BMERB1: variants seen among roughly 807,000 people sequenced by gnomAD.
BMERB1 encodes the protein bMERB domain-containing protein 1.
A neutral mutation model predicts 23.6 loss-of-function variants in BMERB1; 12 were observed. That is an observed-to-expected ratio of 0.51 (90% CI 0.33 to 0.82). The LOEUF (loss-of-function observed/expected upper bound fraction) is 0.82. Among genes scored for constraint, BMERB1 ranks in the 40% least tolerant of loss-of-function variants. The probability of loss-of-function intolerance (pLI) is 0.03; values close to 1 mark genes in which losing one functional copy is unlikely to be tolerated. For synonymous variants in BMERB1, 122 were observed against 96.6 expected (o/e 1.26, Z -1.54); for missense variants, 247 against 255.4 (o/e 0.97, Z 0.22).
At chr16:15,478,789 C>T (rs2051294297) in intron 1 of BMERB1, among the ~76,000 whole-genome samples, 1 of 152,126 alleles carries the variant, frequency 6.6e-6, no homozygotes, top group Admixed American at 6.5e-5. Flanking sequence ...CAAACATGCA[C>T]CAGTTTCATT....
intron 2 of BMERB1, among the ~76,000 whole-genome samples, chr16:15,529,277 C>T (rs542642334): frequency 1.3e-5 from 2 of 152,262 alleles, no homozygotes; most frequent in South Asian, 2.1e-4. Context: ...CCGCCTGCCT[C>T]GGCCTCCCAA....
intron 3 of BMERB1, among the ~76,000 whole-genome samples, chr16:15,572,947 CAAGT>C (rs1430805135): frequency 6.6e-6 from 1 of 152,118 alleles, no homozygotes; most frequent in African/African-American, 2.4e-5. Flanking sequence ...TGCCTGCTGC[CAAGT>C]AAGACGTGCC....
At chr16:15,536,200 G>A (rs1408048799) in intron 2 of BMERB1, among the ~76,000 whole-genome samples, 6 of 152,136 alleles carry the variant, frequency 3.9e-5, no homozygotes, top group African/African-American at 1.2e-4. Context: ...GAGACAAGGA[G>A]GTGATCTGAC....
intron 1 of BMERB1, among the ~76,000 whole-genome samples, chr16:15,450,700 G>T (rs116180782): frequency 0.015 from 2,266 of 152,118 alleles, 64 homozygotes; most frequent in African/African-American, 0.053. Flanking sequence ...CGAACTCCTG[G>T]GTTCACAGGA....
At chr16:15,499,804 T>C (rs559485386) in intron 1 of BMERB1, among the ~76,000 whole-genome samples, 1 of 152,350 alleles carries the variant, frequency 6.6e-6, no homozygotes, top group African/African-American at 2.4e-5. Context: ...TGCGGGAAGA[T>C]GTCGCAGCAT....
At chr16:15,501,313 A>C (rs1008588365) in intron 1 of BMERB1, among the ~76,000 whole-genome samples, 2 of 74,294 alleles carry the variant, frequency 2.7e-5, no homozygotes, top group African/African-American at 5.3e-5. Context: ...TTTTTTTTTG[A>C]GATGGAGTCC....
At chr16:15,546,196 G>A (rs539826755) in intron 2 of BMERB1, among the ~76,000 whole-genome samples, 17 of 152,288 alleles carry the variant, frequency 1.1e-4, no homozygotes, top group African/African-American at 4.1e-4. Flanking sequence ...GCTGAGGCAG[G>A]AGGATGTCTT....
intron 2 of BMERB1, among the ~76,000 whole-genome samples, chr16:15,556,716 G>T (rs909332896): frequency 4.6e-5 from 7 of 152,170 alleles, no homozygotes; most frequent in African/African-American, 1.7e-4. Context: ...CTCCTGAGTA[G>T]CTAGGACTAC....
intron 1 of BMERB1, among the ~76,000 whole-genome samples, chr16:15,440,841 G>A (rs1268422593): frequency 1.3e-5 from 2 of 152,248 alleles, no homozygotes; most frequent in African/African-American, 4.8e-5. Context: ...GAGAGTGAAG[G>A]CGTCAAATAT....
intron 2 of BMERB1, among the ~76,000 whole-genome samples, chr16:15,564,525 C>T (rs556520490): frequency 7.9e-5 from 12 of 152,214 alleles, no homozygotes; most frequent in South Asian, 2.1e-4. Context: ...AATTTTAAAG[C>T]GTCTATAATT....
chr16:15,577,176 T>C (rs1447876178), intron 3 of BMERB1: 5 of 152,170 alleles, frequency 3.3e-5, no homozygotes, highest in Non-Finnish European at 5.9e-5. Flanking sequence ...ATTTTGAACA[T>C]ACCTAGACCA....
intron 2 of BMERB1, among the ~76,000 whole-genome samples, chr16:15,518,836 G>A (rs374565297): frequency 2.1e-4 from 32 of 151,194 alleles, no homozygotes; most frequent in Non-Finnish European, 3.1e-4. Flanking sequence ...GGGGAGAGGC[G>A]GACAGGGGAA....
At chr16:15,550,538 G>A (rs1171470005) in intron 2 of BMERB1, among the ~76,000 whole-genome samples, 2 of 148,144 alleles carry the variant, frequency 1.4e-5, no homozygotes, top group African/African-American at 2.5e-5. Flanking sequence ...GGGTTTCACC[G>A]TATTGCCCAG....
intron 1 of BMERB1, among the ~76,000 whole-genome samples, chr16:15,466,594 A>C (rs2051182580): frequency 6.6e-6 from 1 of 152,136 alleles, no homozygotes; most frequent in Admixed American, 6.6e-5. Flanking sequence ...AGATCTATGT[A>C]TGCCTTTCAC....
chr16:15,479,458 C>T (rs190356056), intron 1 of BMERB1, among the ~76,000 whole-genome samples: 17 of 152,214 alleles, frequency 1.1e-4, no homozygotes, highest in African/African-American at 3.4e-4. Context: ...TGCAAGTAAA[C>T]CTTAAAAATG....
chr16:15,513,262 A>G (rs975892211), intron 1 of BMERB1, among the ~76,000 whole-genome samples: 4 of 152,078 alleles, frequency 2.6e-5, no homozygotes, highest in Non-Finnish European at 5.9e-5. Context: ...TAATTCTTAC[A>G]TTTTTTTCCT....
At chr16:15,481,498 A>T (rs560640100) in intron 1 of BMERB1, among the ~76,000 whole-genome samples, 29 of 151,926 alleles carry the variant, frequency 1.9e-4, no homozygotes, top group African/African-American at 6.0e-4. Context: ...CTGCATGCCA[A>T]CCTGGGCGAC....
intron 1 of BMERB1, among the ~76,000 whole-genome samples, chr16:15,441,854 C>T (rs542508152): frequency 1.3e-5 from 2 of 152,234 alleles, no homozygotes; most frequent in Non-Finnish European, 2.9e-5. Flanking sequence ...ATGTTGGGTA[C>T]TAGATGGGGA....
chr16:15,515,400 G>T lies in BMERB1; in HGVS notation c.202G>T (p.Val68Phe). The change falls in exon 2 of 6, where the codon GTC becomes TTC. Residue 68 changes from valine to phenylalanine, a missense_variant. Val to Phe is a conservative substitution (Grantham distance 50). Coordinates refer to ENST00000300006, the MANE Select transcript of BMERB1 (RefSeq NM_033201.3). ...AKIQRLREVL[V>F]RRESELRFMM... ...AATTCAGCGTCTCCGGGAAGTCTTG[G>T]TCCGCCGGGAGTCTGAGCTCAGGTT... is the stretch of plus-strand genomic sequence containing the variant. The T allele has an allele frequency of 6.2e-7, 1 of 1,614,078 alleles. No individual in the cohort carries two copies. Among genetic ancestry groups the T allele is most frequent in the South Asian group, 1.1e-5 (1 of 91,080 alleles).
Sources: allele counts gnomAD v4.1 joint callset (sites outside exome capture counted in the v4.1 genomes callset), GRCh38; gene constraint gnomAD v4.1.1; transcripts MANE v1.5; gene names NCBI Gene and HGNC (gene_info 2026-07-23, HGNC 2026-07-21).